Variants in PGR observed in about 807,000 individuals in gnomAD.
PGR encodes the protein nuclear receptor subfamily 3 group C member 3.
In PGR, 25 loss-of-function variants were observed where a neutral mutation model predicts 76.1. The ratio of observed to expected loss-of-function variants is 0.33; its 90% confidence interval spans 0.24 to 0.46. The LOEUF (loss-of-function observed/expected upper bound fraction) is 0.46, where lower values mean the gene tolerates loss of function less well. PGR is among the 20% of genes least tolerant of loss of function. PGR has a pLI of 1.00. For missense variants in PGR, 1,172 were observed against 1,225.3 expected, an observed-to-expected ratio of 0.96 and a Z score of 0.65; for synonymous variants, 579 against 535.0, an observed-to-expected ratio of 1.08 and a Z score of -1.14.
intron 2 of PGR, among the ~76,000 whole-genome samples, chr11:101,123,341 T>A (rs560335468): frequency 1.3e-5 from 2 of 152,332 alleles, no homozygotes; most frequent in Admixed American, 6.5e-5. Context: ...TCTGGCCATA[T>A]TGGCATCCAC....
chr11:101,043,971 T>TAGCTTCAGCTTCAAGTCACC (rs575482958), intron 6 of PGR, among the ~76,000 whole-genome samples: 5 of 152,278 alleles, frequency 3.3e-5, no homozygotes, highest in African/African-American at 9.6e-5. Flanking sequence ...AAATGAGCAT[T>TAGCTTCAGCTTCAAGTCACC]AGCTTCAGCT....
In PGR at chr11:101,062,537, G is replaced by GT; in HGVS notation, c.2121dup (p.Pro708ThrfsTer2). ...GTCAGCAAAGAACTGGAGGTGTCAG[G>GT]TTTTGTGTTGTCATGTCCTGCATAG... is the stretch of plus-strand genomic sequence containing the variant. On this transcript the variant is annotated frameshift_variant, in exon 4 of 8. Coordinates refer to ENST00000325455, the MANE Select transcript of PGR (RefSeq NM_000926.4). LOFTEE classifies it high-confidence loss of function. The GT allele has an allele frequency of 6.2e-7, 1 of 1,613,992 alleles. No individual in the cohort carries two copies. Among genetic ancestry groups the GT allele is most frequent in the Non-Finnish European group, 8.5e-7 (1 of 1,179,906 alleles).
intron 3 of PGR, among the ~76,000 whole-genome samples, chr11:101,085,112 A>T (rs1219328693): frequency 6.6e-6 from 1 of 152,148 alleles, no homozygotes. Context: ...AGAATAATCC[A>T]CCCATCAACC....
intron 4 of PGR, among the ~76,000 whole-genome samples, chr11:101,061,005 T>A (rs1182943552): frequency 6.6e-6 from 1 of 152,198 alleles, no homozygotes; most frequent in Non-Finnish European, 1.5e-5. Context: ...GATGCTAGAA[T>A]CTTTTTAAAT....
intron 2 of PGR, among the ~76,000 whole-genome samples, chr11:101,109,917 C>T (rs1862292403): frequency 6.6e-6 from 1 of 152,208 alleles, no homozygotes; most frequent in South Asian, 2.1e-4. Flanking sequence ...AAAGCCAATC[C>T]TCATTTATCA....
chr11:101,091,794 A>C lies in PGR; in HGVS notation c.1872T>G (p.Leu624=). ...CCATGCCAGCCTGACAGCACTTTCT[A>C]AGGCGACATGCTGGGCAGTTTTTTC... ...IRRKNCPACR[L]RKCCQAGMVL... Residue 624 remains leucine (L), a synonymous_variant, in exon 3 of 8, where the codon CTT becomes CTG. Coordinates refer to ENST00000325455, the MANE Select transcript of PGR (RefSeq NM_000926.4). 1 of 1,604,142 alleles carries C rather than the reference A, an allele frequency of 6.2e-7. No individual in the cohort carries two copies.
intron 4 of PGR, among the ~76,000 whole-genome samples, chr11:101,053,082 AAATTAAAGGT>A (rs1860155335): frequency 6.6e-6 from 1 of 152,194 alleles, no homozygotes; most frequent in African/African-American, 2.4e-5. Context: ...AGAATTTTTA[AAATTAAAGGT>A]ATGGAGACAA....
chr11:101,112,122 G>T (rs1374744699), intron 2 of PGR, among the ~76,000 whole-genome samples: 6 of 152,186 alleles, frequency 3.9e-5, no homozygotes, highest in Non-Finnish European at 8.8e-5. Context: ...TGGTAACCTT[G>T]ACAAGAGAAG....
intron 3 of PGR, among the ~76,000 whole-genome samples, chr11:101,083,201 C>T (rs1207799022): frequency 2.0e-5 from 3 of 152,210 alleles, no homozygotes; most frequent in Non-Finnish European, 4.4e-5. Context: ...GTGGCTTCCA[C>T]ATGGTATTGG....
At chr11:101,045,121 A>G (rs1859824875) in intron 6 of PGR, among the ~76,000 whole-genome samples, 2 of 152,170 alleles carry the variant, frequency 1.3e-5, no homozygotes, top group Admixed American at 1.3e-4. Context: ...TTTCCCCTAG[A>G]AAAGAAGGCC....
intron 6 of PGR, among the ~76,000 whole-genome samples, chr11:101,045,516 C>A (rs1207439628): frequency 6.6e-6 from 1 of 152,136 alleles, no homozygotes; most frequent in Non-Finnish European, 1.5e-5. Context: ...CATGTACATG[C>A]ATTATTTAGC....
intron 3 of PGR, among the ~76,000 whole-genome samples, chr11:101,066,402 TC>T (rs1452267692): frequency 6.6e-6 from 1 of 152,344 alleles, no homozygotes; most frequent in African/African-American, 2.4e-5. Flanking sequence ...TAGCTCTTTT[TC>T]ATCTTCTCAA....
intron 3 of PGR, among the ~76,000 whole-genome samples, chr11:101,065,655 A>G (rs1184275052): frequency 1.3e-5 from 2 of 152,166 alleles, no homozygotes; most frequent in Admixed American, 1.3e-4. Flanking sequence ...GGGTAATCTA[A>G]GCAGAGAATA....
chr11:101,055,129 A>C (rs1439898523), intron 4 of PGR, among the ~76,000 whole-genome samples: 1 of 152,062 alleles, frequency 6.6e-6, no homozygotes, highest in East Asian at 1.9e-4. Context: ...AATACAAAAA[A>C]ATGGGCTGGG....
chr11:101,043,501 CCTT>C (rs1419171436), intron 6 of PGR, among the ~76,000 whole-genome samples: 1 of 152,168 alleles, frequency 6.6e-6, no homozygotes, highest in East Asian at 1.9e-4. Flanking sequence ...GCTATTTTCA[CCTT>C]CTCCCATGAA....
chr11:101,117,246 T>G (rs1243078155), intron 2 of PGR, among the ~76,000 whole-genome samples: 3 of 152,190 alleles, frequency 2.0e-5, no homozygotes, highest in African/African-American at 7.2e-5. Flanking sequence ...CCATTATTAT[T>G]TTAATCAGTA....
intron 3 of PGR, among the ~76,000 whole-genome samples, chr11:101,071,608 A>G (rs1048799542): frequency 2.6e-5 from 4 of 152,122 alleles, no homozygotes; most frequent in African/African-American, 2.4e-5. Context: ...GCTACCTAGA[A>G]TAACCATTTT....
chr11:101,128,483 C>T lies in PGR; in HGVS notation c.588G>A (p.Leu196=), dbSNP rs749388131. Residue 196 remains leucine, a synonymous_variant, in exon 1 of 8, where the codon CTG becomes CTA. Coordinates refer to ENST00000325455, the MANE Select transcript of PGR (RefSeq NM_000926.4). ...AGTGAGGGCTCTCAGAGGCCGGGAG[C>T]AGCAGCTGCCGGGCTGGTGACAGGC... is the stretch of plus-strand genomic sequence containing the variant. ...PRGLSPARQL[L]LPASESPHWS... The T allele has an allele frequency of 6.2e-7, 1 of 1,606,906 alleles. No homozygotes were observed. Among genetic ancestry groups the T allele is most frequent in the South Asian group, 1.1e-5 (1 of 90,816 alleles).
intron 3 of PGR, among the ~76,000 whole-genome samples, chr11:101,091,130 C>T (rs1005502323): frequency 1.3e-5 from 2 of 152,138 alleles, no homozygotes; most frequent in Non-Finnish European, 2.9e-5. Flanking sequence ...CGCTTGATCT[C>T]CCTCACTCTG....
Sources: allele counts gnomAD v4.1 joint callset (sites outside exome capture counted in the v4.1 genomes callset), GRCh38; gene constraint gnomAD v4.1.1; transcripts MANE v1.5; gene names NCBI Gene and HGNC (gene_info 2026-07-23, HGNC 2026-07-21).